The following SOX5 variants were observed in gnomAD, a reference collection of about 807,000 sequenced individuals.
SOX5 encodes transcription factor SOX-5.
SOX5 carries 9 observed loss-of-function variants against 92.0 expected under a neutral mutation model. The ratio of observed to expected loss-of-function variants is 0.10; its 90% CI spans 0.06 to 0.17. SOX5 has a LOEUF of 0.17. Among genes scored for constraint, SOX5 ranks in the 10% least tolerant of loss-of-function variants. The pLI is 1.00. For synonymous variants in SOX5, 344 were observed against 336.3 expected (o/e 1.02, Z -0.25); for missense variants, 642 against 944.5 (o/e 0.68, Z 4.20).
In SOX5 at chr12:23,958,639, G is replaced by T. The variant is rs529007696; in HGVS notation, c.-1-62615C>A. ...AGTGTCTATTTCACTAGGAATTGAC[G>T]CTAGGTTTCTATAAGAAAGCCTATC... is the stretch of plus-strand genomic sequence containing the variant. On this transcript the variant is annotated intron_variant, in intron 4 of 4. Coordinates refer to the SOX5 transcript ENST00000446891. Among the ~76,000 whole-genome samples, 22 of 151,596 alleles carry T rather than the reference G, an allele frequency of 1.5e-4. No homozygotes were observed. The East Asian group carries it at 3.9e-3, about 27-fold the overall frequency.
At chr12:24,431,350 G>A (rs576968486) in intron 1 of SOX5, among the ~76,000 whole-genome samples, 1 of 152,238 alleles carries the variant, frequency 6.6e-6, no homozygotes, top group African/African-American at 2.4e-5. Context: ...GTCCACTGAT[G>A]CTAAAGTCCC....
At chr12:24,558,486 C>T (rs1029742615) in intron 1 of SOX5, among the ~76,000 whole-genome samples, 1 of 152,134 alleles carries the variant, frequency 6.6e-6, no homozygotes. Flanking sequence ...CCCCATATGG[C>T]CTGGCTAAAA....
At chr12:23,643,706 T>A (rs559383584) in intron 7 of SOX5, among the ~76,000 whole-genome samples, 2 of 152,238 alleles carry the variant, frequency 1.3e-5, no homozygotes, top group South Asian at 4.1e-4. Flanking sequence ...CAGTGATAAT[T>A]TTTTTCATTT....
At chr12:23,970,841 A>ATATATATATATATATATAAAATT in intron 4 of SOX5, among the ~76,000 whole-genome samples, 3 of 21,882 alleles carry the variant, frequency 1.4e-4, no homozygotes, top group South Asian at 4.4e-3. Context: ...TATATATATA[A>ATATATATATATATATATAAAATT]TTTTTTTTTT....
At chr12:23,662,898 C>T (rs1378381759) in intron 7 of SOX5, among the ~76,000 whole-genome samples, 1 of 152,038 alleles carries the variant, frequency 6.6e-6, no homozygotes, top group Non-Finnish European at 1.5e-5. Context: ...AAATTGAAGT[C>T]AAGATGGGTT....
At chr12:23,604,179 C>G (rs963786921) in intron 9 of SOX5, 1 of 513,806 alleles carries the variant, frequency 1.9e-6, no homozygotes, top group African/African-American at 1.9e-5. Flanking sequence ...CTATAGTTAT[C>G]GATACACGCA....
chr12:23,750,022 T>A (rs890071999), intron 4 of SOX5, among the ~76,000 whole-genome samples: 1 of 151,800 alleles, frequency 6.6e-6, no homozygotes, highest in Non-Finnish European at 1.5e-5. Context: ...ATGCAAATTA[T>A]AGAAGTTCTT....
intron 1 of SOX5, among the ~76,000 whole-genome samples, chr12:24,420,733 G>T (rs1477051310): frequency 6.6e-6 from 1 of 151,992 alleles, no homozygotes; most frequent in African/African-American, 2.4e-5. Context: ...TTTCTACTTT[G>T]CAACCCCTAA....
chr12:24,257,229 C>T (rs933414820), intron 3 of SOX5, among the ~76,000 whole-genome samples: 2 of 152,126 alleles, frequency 1.3e-5, no homozygotes, highest in African/African-American at 4.8e-5. Context: ...TCCTAATTAT[C>T]ATTGCTAAAT....
At chr12:23,999,168 G>GTGTA (rs1951348081) in intron 4 of SOX5, among the ~76,000 whole-genome samples, 1 of 150,958 alleles carries the variant, frequency 6.6e-6, no homozygotes, top group Non-Finnish European at 1.5e-5. Context: ...GTGTGTGTGT[G>GTGTA]TGTGTGTGTA....
intron 3 of SOX5, among the ~76,000 whole-genome samples, chr12:24,267,994 G>A (rs1268272958): frequency 6.6e-5 from 10 of 152,214 alleles, no homozygotes. Context: ...GTCCAGGCTA[G>A]GGTTTGAGGG....
chr12:23,542,314 T>G (rs933172692), intron 13 of SOX5, among the ~76,000 whole-genome samples: 11 of 152,228 alleles, frequency 7.2e-5, no homozygotes, highest in Non-Finnish European at 7.3e-5. Context: ...GTCACTTAAC[T>G]CTTAGAAGTC....
chr12:24,339,960 A>G (rs1447775438), intron 2 of SOX5, among the ~76,000 whole-genome samples: 4 of 152,178 alleles, frequency 2.6e-5, no homozygotes, highest in Admixed American at 6.5e-5. Context: ...TCTGAATGTG[A>G]GGGCATGGGG....
chr12:23,998,754 T>G (rs1483264052), intron 4 of SOX5, among the ~76,000 whole-genome samples: 1 of 122,314 alleles, frequency 8.2e-6, no homozygotes, highest in Non-Finnish European at 1.6e-5. Flanking sequence ...TGAGCCGAGA[T>G]CACGCCATTG....
intron 4 of SOX5, among the ~76,000 whole-genome samples, chr12:24,069,919 A>G (rs182557571): frequency 6.6e-6 from 1 of 152,260 alleles, no homozygotes; most frequent in East Asian, 1.9e-4. Flanking sequence ...AATTCATGGT[A>G]TACTCCACAT....
chr12:24,061,030 C>A (rs1295986648), intron 4 of SOX5, among the ~76,000 whole-genome samples: 2 of 152,102 alleles, frequency 1.3e-5, no homozygotes, highest in Non-Finnish European at 2.9e-5. Flanking sequence ...AGCCCAGTAT[C>A]ACCTCACAGA....
At chr12:23,846,275 A>G (rs961001357) in intron 2 of SOX5, 82 bp from the exon 3 acceptor site, 29 of 1,083,292 alleles carry the variant, frequency 2.7e-5, no homozygotes, top group Non-Finnish European at 3.8e-5. Flanking sequence ...CCTGAAAGAG[A>G]AAGCAAAAGG....
At chr12:23,651,751 A>C (rs889854170) in intron 7 of SOX5, among the ~76,000 whole-genome samples, 9 of 152,006 alleles carry the variant, frequency 5.9e-5, no homozygotes, top group African/African-American at 2.2e-4. Context: ...CGAGAAGCCT[A>C]TGAGCTGAAA....
At chr12:24,218,897 G>A (rs935882957) in intron 3 of SOX5, among the ~76,000 whole-genome samples, 6 of 152,040 alleles carry the variant, frequency 3.9e-5, no homozygotes, top group East Asian at 1.9e-4. Context: ...TCTTTCAACA[G>A]TACTCAAGTA....
Sources: allele counts gnomAD v4.1 joint callset (sites outside exome capture counted in the v4.1 genomes callset), GRCh38; gene constraint gnomAD v4.1.1; transcripts MANE v1.5; gene names NCBI Gene and HGNC (gene_info 2026-07-23, HGNC 2026-07-21).